The following DNAH6 variants were observed in gnomAD, a reference collection of about 807,000 sequenced individuals.
The protein encoded by DNAH6 is dynein axonemal heavy chain 6.
Under a neutral mutation model 491.4 loss-of-function variants are expected in DNAH6, and 340 were observed. That is an observed-to-expected ratio of 0.69 (90% confidence interval 0.63 to 0.76). DNAH6 has a LOEUF of 0.76. Ranked by LOEUF, DNAH6 falls within the 30% of genes least tolerant of loss-of-function variation. The probability of loss-of-function intolerance (pLI) is 0.00; values close to 1 mark genes in which losing one functional copy is unlikely to be tolerated. For missense variants in DNAH6, 4,443 were observed against 4,972.2 expected (o/e 0.89, Z 3.20); for synonymous variants, 1,603 against 1,686.1 (o/e 0.95, Z 1.21).
intron 21 of DNAH6, among the ~76,000 whole-genome samples, chr2:84,610,866 G>A (rs1243381633): frequency 6.6e-6 from 1 of 152,178 alleles, no homozygotes; most frequent in Non-Finnish European, 1.5e-5. Flanking sequence ...ACAGATCAAA[G>A]TCAAGGGGGA....
At chr2:84,762,366 T>C (rs1218694269) in intron 63 of DNAH6, among the ~76,000 whole-genome samples, 1 of 152,176 alleles carries the variant, frequency 6.6e-6, no homozygotes, top group Non-Finnish European at 1.5e-5. Context: ...AATGCTTAAT[T>C]GTATGATGAT....
Position 84,634,661 on chromosome 2 carries a change from A to G in DNAH6, c.4653+20A>G. 1.3e-6 allele frequency: 2 copies of G among 1,489,366 alleles called. No homozygotes were observed. The highest frequency in any genetic ancestry group is 1.8e-6 in the Non-Finnish European group (2 of 1,120,900). The allele number at this position is 1,489,366 out of a possible 1,614,324, so 92.3% of individuals were successfully genotyped here. ...GCAAAGGTAAGGCACTGGGCAATCG[A>G]CTTTCAAGGTAGCAATCCTTAAATT... On this transcript the variant is annotated intron_variant, in intron 30 of 76. Transcript: ENST00000389394.
intron 21 of DNAH6, among the ~76,000 whole-genome samples, chr2:84,609,227 T>C (rs1461413709): frequency 6.6e-6 from 1 of 152,210 alleles, no homozygotes; most frequent in Non-Finnish European, 1.5e-5. Context: ...ATCATTTGTG[T>C]CTACACTGAA....
At position 84,681,475 on chromosome 2, in the gene DNAH6, C is replaced by T; in HGVS notation, c.6863C>T (p.Pro2288Leu). ...ATGAGTGTTGACCTCCTGCCAACAC[C>T]CGCCAAGTCCCATTATGTCTTTAAC... ...NKMSVDLLPTPAKSHYVFNLR... is the reference protein window; with the variant it reads ...NKMSVDLLPTLAKSHYVFNLR... Residue 2288 changes from proline to leucine, a missense_variant, in exon 42 of 77, where the codon CCC becomes CTC. Pro to Leu is a moderately conservative substitution (Grantham distance 98). Around this residue, in one of 3 missense-constraint regions of DNAH6, gnomAD observed 2,977 missense variants for 3,296.6 expected, o/e 0.90. Coordinates refer to ENST00000389394, the MANE Select transcript of DNAH6 (RefSeq NM_001370.2). 1.3e-6 allele frequency: 2 copies of T among 1,551,124 alleles called. No homozygotes were observed.
chr2:84,460,657 T>G, the DNAH6 span, among the ~76,000 whole-genome samples: 7 of 152,084 alleles, frequency 4.6e-5, no homozygotes, highest in East Asian at 1.2e-3. Context: ...ATCGTTGAAT[T>G]GAATTGATAT....
the DNAH6 span, among the ~76,000 whole-genome samples, chr2:84,492,267 C>T: frequency 3.9e-5 from 6 of 152,214 alleles, no homozygotes; most frequent in Non-Finnish European, 8.8e-5. Context: ...AATGTGCCTA[C>T]TGTCCCTTAG....
chr2:84,500,749 G>A, the DNAH6 span, among the ~76,000 whole-genome samples: 1 of 151,966 alleles, frequency 6.6e-6, no homozygotes, highest in Non-Finnish European at 1.5e-5. Flanking sequence ...TCTTTCAGTG[G>A]TTTGGTTAAT....
At chr2:84,818,804 T>G (rs1245575771) in intron 76 of DNAH6, among the ~76,000 whole-genome samples, 2 of 152,216 alleles carry the variant, frequency 1.3e-5, no homozygotes, top group East Asian at 3.8e-4. Context: ...CTGGGTGCAG[T>G]GGCTCATGCC....
At chr2:84,736,683 A>C (rs140279299) in intron 62 of DNAH6, among the ~76,000 whole-genome samples, 30 of 152,240 alleles carry the variant, frequency 2.0e-4, no homozygotes, top group African/African-American at 6.5e-4. Context: ...CATTCATTTT[A>C]TATCATAAGA....
chr2:84,554,368 A>G (rs1423190220), intron 10 of DNAH6, among the ~76,000 whole-genome samples: 2 of 152,204 alleles, frequency 1.3e-5, no homozygotes, highest in South Asian at 2.1e-4. Flanking sequence ...ATTGAACAGC[A>G]TATGTACACA....
chr2:84,495,905 A>G, the DNAH6 span, among the ~76,000 whole-genome samples: 4 of 152,230 alleles, frequency 2.6e-5, no homozygotes, highest in African/African-American at 9.6e-5. Context: ...CAGACAAAGA[A>G]ATACACGCAC....
At chr2:84,694,504 G>A in intron 46 of DNAH6, 24 bp downstream of exon 46, 1 of 1,511,936 alleles carries the variant, frequency 6.6e-7, no homozygotes, top group East Asian at 2.5e-5. Context: ...TAGCCCATGG[G>A]TGAGAACAGG....
chr2:84,625,127 T>A, intron 29 of DNAH6, 64 bp downstream of exon 29: 2 of 1,365,688 alleles, frequency 1.5e-6, no homozygotes, highest in Non-Finnish European at 9.6e-7. Flanking sequence ...ATTTGCAACA[T>A]GACATAACAA....
intron 63 of DNAH6, among the ~76,000 whole-genome samples, chr2:84,761,983 C>A (rs1285809413): frequency 1.3e-5 from 2 of 152,124 alleles, no homozygotes; most frequent in Non-Finnish European, 2.9e-5. Context: ...AGCTTTCTGG[C>A]ACATTAAAAG....
At chr2:84,472,061 GT>G in the DNAH6 span, among the ~76,000 whole-genome samples, 268 of 152,198 alleles carry the variant, frequency 1.8e-3, no homozygotes, top group African/African-American at 6.3e-3. Context: ...CATATATCTT[GT>G]CCAGCCTTTT....
intron 62 of DNAH6, 41 bp from the exon 63 acceptor site, chr2:84,745,039 A>G (rs1391993546): frequency 7.7e-7 from 1 of 1,304,826 alleles, no homozygotes; most frequent in Non-Finnish European, 1.0e-6. Flanking sequence ...CAAAGCCAAA[A>G]CAAATCTAAT....
chr2:84,762,461 G>A (rs1674683288), intron 63 of DNAH6, among the ~76,000 whole-genome samples: 3 of 152,158 alleles, frequency 2.0e-5, no homozygotes, highest in Non-Finnish European at 4.4e-5. Flanking sequence ...TGTGAAACAG[G>A]ACAGAAGAAG....
intron 9 of DNAH6, among the ~76,000 whole-genome samples, chr2:84,550,989 T>C (rs943211116): frequency 6.6e-6 from 1 of 152,150 alleles, no homozygotes; most frequent in African/African-American, 2.4e-5. Flanking sequence ...AGAAAGATCA[T>C]ATTATCTCAT....
chr2:84,573,651 G>A lies in DNAH6; in HGVS notation c.1924+64G>A, dbSNP rs535459225. On this transcript the variant is annotated intron_variant, in intron 12 of 76. Coordinates refer to ENST00000389394, the MANE Select transcript of DNAH6 (RefSeq NM_001370.2). ...GGATACTGAGATTTGTTGTTTTTTA[G>A]GATTCTGTTTGGTGGTGTCTGGGGA... 15 of 1,423,504 alleles carry A rather than the reference G, an allele frequency of 1.1e-5. No homozygotes were observed. In the East Asian group the frequency reaches 3.9e-4, roughly 37 times the overall value. 88.2% of individuals were successfully genotyped at this position (1,423,504 alleles called of 1,614,324 possible). A position where few individuals can be genotyped will look rare whatever the true frequency, so the allele number is the denominator to read the frequency against.
Sources: gnomAD v4.1 joint callset for allele counts (sites outside exome capture counted in the v4.1 genomes callset) on GRCh38, gnomAD v4.1.1 for gene constraint, gnomAD v4.1.1 regional missense constraint, MANE v1.5 for transcripts, NCBI Gene and HGNC (gene_info 2026-07-23, HGNC 2026-07-21) for gene names.